The following PKNOX2 variants were observed in gnomAD, a reference collection of about 807,000 sequenced individuals.
PKNOX2 encodes PBX/knotted 1 homeobox 2, also known as homeobox protein PKNOX2.
In PKNOX2, 14 loss-of-function variants were observed where a neutral mutation model predicts 53.1. That is an observed-to-expected ratio of 0.26 (90% CI 0.17 to 0.41). The LOEUF (loss-of-function observed/expected upper bound fraction) is 0.41. Ranked by LOEUF, PKNOX2 falls within the 10% of genes least tolerant of loss-of-function variation. PKNOX2 has a pLI of 1.00. For synonymous variants in PKNOX2, 257 were observed against 242.8 expected (o/e 1.06, Z -0.54); for missense variants, 496 against 602.8 (o/e 0.82, Z 1.85).
rs138060683 is a variant in PKNOX2 at position 125,215,371 on chromosome 11, C to T, written c.-200-19674C>T. ...GACTCAGGCCAACCTGAGATCCCTT[C>T]GTGCCTTACTTTTCTCACCTGTAAA... On this transcript the variant is annotated intron_variant, in intron 1 of 12. Transcript: ENST00000298282. 9.0e-3 allele frequency among the ~76,000 whole-genome samples: 1,376 copies of T among 152,170 alleles called. 25 individuals are homozygous for T. The highest frequency in any genetic ancestry group is 0.022 in the South Asian group (106 of 4,812).
At chr11:125,233,404 T>C (rs1389914324) in intron 1 of PKNOX2, among the ~76,000 whole-genome samples, 1 of 152,210 alleles carries the variant, frequency 6.6e-6, no homozygotes, top group African/African-American at 2.4e-5. Context: ...TAATACAAGT[T>C]GGAACCCATT....
At chr11:125,414,666 C>T (rs538130661) in intron 10 of PKNOX2, among the ~76,000 whole-genome samples, 18 of 151,574 alleles carry the variant, frequency 1.2e-4, no homozygotes, top group African/African-American at 4.4e-4. Context: ...AGAAAGAAGA[C>T]AGGATTTGAA....
chr11:125,297,046 G>T (rs932013157), intron 2 of PKNOX2, among the ~76,000 whole-genome samples: 1 of 152,202 alleles, frequency 6.6e-6, no homozygotes, highest in African/African-American at 2.4e-5. Context: ...AGCAGGTGAT[G>T]AATAAATATG....
chr11:125,178,609 G>GGAAGGAAAGAAAGAAAGAAA (rs1555108355), intron 1 of PKNOX2, among the ~76,000 whole-genome samples: 2 of 46,260 alleles, frequency 4.3e-5, no homozygotes, highest in East Asian at 9.8e-4. Context: ...AAGGAAGGAA[G>GGAAGGAAAGAAAGAAAGAAA]GAAAGAAAGA....
rs1943025443 is a variant in PKNOX2 at position 125,240,061 on chromosome 11, T to C, written c.-130+4946T>C. 6.6e-6 allele frequency: 1 copy of C among 152,206 alleles called. No individual in the cohort carries two copies. Among genetic ancestry groups the C allele is most frequent in the South Asian group, 2.1e-4 (1 of 4,830 alleles). The allele number at this position is 152,206 out of a possible 1,614,324, so 9.4% of individuals were successfully genotyped here. A position where few individuals can be genotyped will look rare whatever the true frequency, so the allele number is the denominator to read the frequency against. On this transcript the variant is annotated intron_variant, in intron 2 of 12. Coordinates refer to ENST00000298282, the MANE Select transcript of PKNOX2 (RefSeq NM_001382323.2). The surrounding 1 kb of genome is among the most constrained non-coding windows in gnomAD (Gnocchi z 4.3). ...CATTATGCAAATAGACGTTATGCAA[T>C]CAAGGCACTTTAGCAGGAATCTGGC...
At chr11:125,377,985 A>T (rs1177628045) in intron 5 of PKNOX2, among the ~76,000 whole-genome samples, 1 of 152,176 alleles carries the variant, frequency 6.6e-6, no homozygotes, top group Admixed American at 6.5e-5. Context: ...TCATTTCACC[A>T]TCATCCAGGA....
At chr11:125,244,035 A>G (rs1363245040) in intron 2 of PKNOX2, among the ~76,000 whole-genome samples, 1 of 152,198 alleles carries the variant, frequency 6.6e-6, no homozygotes. Flanking sequence ...GGATGGAAGG[A>G]TGAAAGATGA....
intron 2 of PKNOX2, among the ~76,000 whole-genome samples, chr11:125,309,978 TCCGGTTCCGCCATTCAAGC>T (rs2081565299): frequency 6.6e-6 from 1 of 152,174 alleles, no homozygotes; most frequent in Non-Finnish European, 1.5e-5. Context: ...TAAAAACTCT[TCCGGTTCCGCCATTCAAGC>T]TACTCTTCTT....
At chr11:125,245,478 C>A (rs568867551) in intron 2 of PKNOX2, among the ~76,000 whole-genome samples, 29 of 152,362 alleles carry the variant, frequency 1.9e-4, no homozygotes, top group Non-Finnish European at 3.4e-4. Flanking sequence ...ATGTGCTTTC[C>A]ACTGCACTTG....
chr11:125,285,630 T>C lies in PKNOX2; in HGVS notation c.-129-46189T>C, dbSNP rs1403521930. On this transcript the variant is annotated intron_variant, in intron 2 of 12. Transcript: ENST00000298282. The stretch of plus-strand genomic sequence containing the variant: ...CTGTGAGTAAATTCAGTAACAACAG[T>C]AGTAGAGGTGACTGCAGCTAGATTC... 2.0e-5 allele frequency among the ~76,000 whole-genome samples: 3 copies of C among 152,148 alleles called. No individual in the cohort carries two copies. In the East Asian group the frequency reaches 5.8e-4, roughly 29 times the overall value.
intron 2 of PKNOX2, among the ~76,000 whole-genome samples, chr11:125,309,634 C>T (rs979527453): frequency 1.2e-4 from 18 of 152,094 alleles, no homozygotes; most frequent in African/African-American, 2.9e-4. Flanking sequence ...GTGATCTGCC[C>T]GCCTTGGCCT....
intron 2 of PKNOX2, among the ~76,000 whole-genome samples, chr11:125,270,121 G>A (rs936485359): frequency 2.0e-5 from 3 of 152,172 alleles, no homozygotes; most frequent in Non-Finnish European, 4.4e-5. Context: ...TGCCCCCTCA[G>A]GTTTTAAGAA....
At chr11:125,346,695 A>G (rs1645097432) in intron 3 of PKNOX2, among the ~76,000 whole-genome samples, 1 of 152,104 alleles carries the variant, frequency 6.6e-6, no homozygotes, top group African/African-American at 2.4e-5. Context: ...GTCGGAGGAC[A>G]GACAAGAAGC....
At chr11:125,247,572 G>A (rs901894837) in intron 2 of PKNOX2, among the ~76,000 whole-genome samples, 5 of 152,272 alleles carry the variant, frequency 3.3e-5, no homozygotes, top group South Asian at 2.1e-4. Flanking sequence ...TTCCCCTCTC[G>A]TTAGCCTTTT....
At position 125,348,555 on chromosome 11, in the gene PKNOX2, G is replaced by A. The variant is rs992253645; in HGVS notation, c.-22-2729G>A. Among the ~76,000 whole-genome samples, 4 of 152,316 alleles carry A rather than the reference G, an allele frequency of 2.6e-5. 1 individual carries two copies. The highest frequency in any genetic ancestry group is 7.2e-5 in the African/African-American group (3 of 41,578). On this transcript the variant is annotated intron_variant, in intron 3 of 12. Coordinates refer to ENST00000298282, the MANE Select transcript of PKNOX2 (RefSeq NM_001382323.2). ...GTCTGGCCCTGCTCCGCAGCCTGGT[G>A]GGCTCAGGACTGAACAGTCTCCTCT...
At chr11:125,220,112 A>G (rs890211264) in intron 1 of PKNOX2, among the ~76,000 whole-genome samples, 4 of 147,338 alleles carry the variant, frequency 2.7e-5, no homozygotes, top group Non-Finnish European at 5.9e-5. Context: ...AGATCTCCAA[A>G]ATATGTGTAA....
intron 1 of PKNOX2, among the ~76,000 whole-genome samples, chr11:125,169,527 A>G (rs778017092): frequency 2.6e-5 from 4 of 152,170 alleles, no homozygotes; most frequent in Non-Finnish European, 4.4e-5. Flanking sequence ...TTAGGCTGAA[A>G]TTTAGTGGCC....
rs1952490110 is a variant in PKNOX2, at chr11:125,370,854, T to C, written c.227+2869T>C. On this transcript the variant is annotated intron_variant, in intron 5 of 12. Coordinates refer to ENST00000298282, the MANE Select transcript of PKNOX2 (RefSeq NM_001382323.2). The surrounding 1 kb of genome is among the most constrained non-coding windows in gnomAD (Gnocchi z 4.1). ...GGAGTCGGCATTTTATGTCAATAAG[T>C]GTAACCAGACCCTTTCCATTCAGAT... Among the ~76,000 whole-genome samples, 1 of 152,212 alleles carries C rather than the reference T, an allele frequency of 6.6e-6. No homozygotes were observed. Among genetic ancestry groups the C allele is most frequent in the African/African-American group, 2.4e-5 (1 of 41,464 alleles).
In PKNOX2 at chr11:125,284,079, G is replaced by A. The variant is rs78797853; in HGVS notation, c.-129-47740G>A. Among the ~76,000 whole-genome samples the A allele has an allele frequency of 7.0e-3, 1,067 of 152,284 alleles. 5 individuals carry two copies. The highest frequency in any genetic ancestry group is 0.027 in the Middle Eastern group (8 of 294). The stretch of plus-strand genomic sequence containing the variant: ...CCTCTCTAGCCTTGGTCTCTCCATC[G>A]GTAGATGGAAATAGTAACTGAACAC... On this transcript the variant is annotated intron_variant, in intron 2 of 12. Transcript: ENST00000298282.
Sources: allele counts gnomAD v4.1 joint callset (sites outside exome capture counted in the v4.1 genomes callset), GRCh38; gene constraint gnomAD v4.1.1; non-coding constraint Gnocchi (gnomAD v3.1); transcripts MANE v1.5; gene names NCBI Gene and HGNC (gene_info 2026-07-23, HGNC 2026-07-21).